CPSF4L: variants seen among roughly 807,000 people sequenced by gnomAD.
CPSF4L encodes the protein putative cleavage and polyadenylation specificity factor subunit 4-like protein.
CPSF4L carries 18 observed loss-of-function variants against 24.0 expected under a neutral mutation model. The ratio of observed to expected loss-of-function variants is 0.75; its 90% confidence interval spans 0.52 to 1.11. CPSF4L has a LOEUF of 1.11. Ranked by LOEUF, CPSF4L falls within the 50% of genes least tolerant of loss-of-function variation. The pLI, the probability that CPSF4L is intolerant of heterozygous loss-of-function variation, is 0.00. For missense variants in CPSF4L, 211 were observed against 221.8 expected, an observed-to-expected ratio of 0.95 and a Z score of 0.31; for synonymous variants, 72 against 77.2, an observed-to-expected ratio of 0.93 and a Z score of 0.35.
intron 3 of CPSF4L, among the ~76,000 whole-genome samples, chr17:73,254,941 C>T (rs968376787): frequency 2.0e-5 from 3 of 152,172 alleles, no homozygotes; most frequent in African/African-American, 7.2e-5. Flanking sequence ...CACGCCCGGA[C>T]CCAGGTGTCA....
downstream of CPSF4L, chr17:73,248,340 C>T (rs1209350894): frequency 1.4e-6 from 1 of 712,542 alleles, no homozygotes; most frequent in Non-Finnish European, 2.4e-6. Context: ...TTCACAGAGC[C>T]AAGGAAAGAA....
At chr17:73,259,502 C>G (rs906594521) in intron 2 of CPSF4L, among the ~76,000 whole-genome samples, 1 of 152,188 alleles carries the variant, frequency 6.6e-6, no homozygotes. Context: ...TTTAAATACC[C>G]CTAACCTCCA....
At chr17:73,261,966 C>G (rs2062048573), upstream of CPSF4L, 1 of 637,570 alleles carries the variant, frequency 1.6e-6, no homozygotes, top group Non-Finnish European at 2.8e-6. Context: ...AGGGGACGCT[C>G]CAGCCTGGGC....
chr17:73,252,764 G>C, intron 4 of CPSF4L, 41 bp from the exon 5 acceptor site: 1 of 1,408,906 alleles, frequency 7.1e-7, no homozygotes. Context: ...ATCCGCTTCA[G>C]CAAGAGGGGA....
chr17:73,250,125 C>A, intron 5 of CPSF4L: 1 of 849,568 alleles, frequency 1.2e-6, no homozygotes, highest in Non-Finnish European at 1.7e-6. Flanking sequence ...CTGCCACAGG[C>A]TACTTCTGCA....
At chr17:73,263,496 G>A (rs962708925), upstream of CPSF4L, among the ~76,000 whole-genome samples, 2 of 152,184 alleles carry the variant, frequency 1.3e-5, no homozygotes, top group African/African-American at 4.8e-5. Context: ...ATGATGATGG[G>A]GAGAGAATGT....
chr17:73,254,476 G>A (rs747026125), intron 3 of CPSF4L, among the ~76,000 whole-genome samples: 1 of 152,216 alleles, frequency 6.6e-6, no homozygotes, highest in Non-Finnish European at 1.5e-5. Context: ...AAGAAAAGCA[G>A]AGCCCTGCTC....
At chr17:73,251,501 CAGGGGTCAGCAAGCTTTTTCTAT>C (rs1258637158) in intron 5 of CPSF4L, among the ~76,000 whole-genome samples, 1 of 152,138 alleles carries the variant, frequency 6.6e-6, no homozygotes, top group Non-Finnish European at 1.5e-5. Context: ...TCATCTAGAC[CAGGGGTCAGCAAGCTTTTTCTAT>C]AGAACACCAA....
chr17:73,257,915 A>G, intron 2 of CPSF4L, 82 bp from the exon 3 acceptor site: 1 of 1,443,294 alleles, frequency 6.9e-7, no homozygotes, highest in South Asian at 1.3e-5. Flanking sequence ...ATTCCCCAGG[A>G]GGGTACCTGA....
intron 1 of CPSF4L, 73 bp from the exon 2 acceptor site, chr17:73,261,056 A>C (rs2062043050): frequency 7.9e-7 from 1 of 1,269,074 alleles, no homozygotes; most frequent in South Asian, 1.3e-5. Context: ...CTCCACCTCC[A>C]TCGGCATGTC....
chr17:73,261,012 T>C, intron 1 of CPSF4L, 29 bp from the exon 2 acceptor site: 5 of 1,542,490 alleles, frequency 3.2e-6, no homozygotes, highest in Non-Finnish European at 4.4e-6. Flanking sequence ...ACGGAGAAGG[T>C]AGCTTCCCCA....
chr17:73,255,900 A>C (rs2062023403), intron 3 of CPSF4L, among the ~76,000 whole-genome samples: 1 of 152,166 alleles, frequency 6.6e-6, no homozygotes, highest in Admixed American at 6.5e-5. Flanking sequence ...CGCCTTTCAG[A>C]GACGGGGGTA....
downstream of CPSF4L, chr17:73,248,341 A>G: frequency 1.4e-6 from 1 of 715,738 alleles, no homozygotes; most frequent in Non-Finnish European, 2.4e-6. Flanking sequence ...TCACAGAGCC[A>G]AGGAAAGAAA....
downstream of CPSF4L, chr17:73,245,364 GTAT>G (rs1412911086): frequency 3.7e-5 from 50 of 1,350,334 alleles, no homozygotes; most frequent in Non-Finnish European, 4.3e-5. Context: ...GGAAGTAAAC[GTAT>G]TATTAATATA....
At chr17:73,242,634 A>G in the CPSF4L span, among the ~76,000 whole-genome samples, 77,746 of 151,930 alleles carry the variant, frequency 0.51, 20,003 homozygotes, top group East Asian at 0.62. Context: ...AAGCCAGAAA[A>G]ACTCTAAACC....
upstream of CPSF4L, among the ~76,000 whole-genome samples, chr17:73,262,629 C>G (rs1299441398): frequency 6.6e-6 from 1 of 152,212 alleles, no homozygotes; most frequent in African/African-American, 2.4e-5. Context: ...ACCACCCCTG[C>G]CTGCAGGGCT....
chr17:73,259,042 A>T (rs200494821), intron 2 of CPSF4L, among the ~76,000 whole-genome samples: 1 of 82,070 alleles, frequency 1.2e-5, no homozygotes, highest in African/African-American at 3.3e-5. Context: ...AAGTTTCTTT[A>T]ATTTATTTAT....
chr17:73,249,242 G>T (rs1232575791), intron 5 of CPSF4L, among the ~76,000 whole-genome samples: 1 of 152,198 alleles, frequency 6.6e-6, no homozygotes, highest in Non-Finnish European at 1.5e-5. Context: ...AGGAAGAGAG[G>T]CCCTACTGCA....
chr17:73,246,113 A>G (rs2061947021), downstream of CPSF4L, among the ~76,000 whole-genome samples: 1 of 152,158 alleles, frequency 6.6e-6, no homozygotes, highest in South Asian at 2.1e-4. Context: ...GTGTTTCCCC[A>G]ACCTCCTTTC....
Sources: gnomAD v4.1 joint callset for allele counts (sites outside exome capture counted in the v4.1 genomes callset) on GRCh38, gnomAD v4.1.1 for gene constraint, MANE v1.5 for transcripts, NCBI Gene and HGNC (gene_info 2026-07-23, HGNC 2026-07-21) for gene names.